The following SALL1 variants were observed in gnomAD, a reference collection of about 807,000 sequenced individuals.
SALL1 encodes the protein spalt like transcription factor 1.
SALL1 carries 10 observed loss-of-function variants against 73.1 expected under a neutral mutation model. The ratio of observed to expected loss-of-function variants is 0.14; its 90% CI spans 0.08 to 0.23. The LOEUF (loss-of-function observed/expected upper bound fraction) is 0.23, where lower values mean the gene tolerates loss of function less well. SALL1 is among the 10% of genes least tolerant of loss of function. The pLI is 1.00. For missense variants in SALL1, 1,520 were observed against 1,697.3 expected, an observed-to-expected ratio of 0.90 and a Z score of 1.84; for synonymous variants, 688 against 689.8, an observed-to-expected ratio of 1.00 and a Z score of 0.04.
intron 1 of SALL1, among the ~76,000 whole-genome samples, chr16:51,147,496 G>A (rs1278851415): frequency 6.6e-6 from 1 of 151,574 alleles, no homozygotes; most frequent in Non-Finnish European, 1.5e-5. Flanking sequence ...TAACCTTTTG[G>A]GCCCAGAGAT....
At position 51,139,287 on chromosome 16, in the gene SALL1, T is replaced by C. The variant is rs1336496651; in HGVS notation, c.2935A>G (p.Lys979Glu). ...CCCAAAGAATCTTCTTTGATGATTT[T>C]CTCTGCGTGACTAGATGTCAAATCC... The part of the protein sequence containing the change: ...ALDLTSSHAE[K>E]IIKEDSLGIL... Residue 979 changes from lysine to glutamate, a missense_variant, in exon 2 of 3, where the codon AAA becomes GAA. Physicochemically the swap from Lys to Glu is moderately conservative, Grantham distance 56 (BLOSUM62 1). Transcript: ENST00000251020. The C allele has an allele frequency of 6.2e-7, 1 of 1,614,162 alleles. No individual in the cohort carries two copies. The highest frequency in any genetic ancestry group is 1.7e-5 in the Admixed American group (1 of 60,032).
rs941761664 is a variant in SALL1, at chr16:51,136,251, T to C, written c.*861A>G. 4 of 152,794 alleles carry C rather than the reference T, an allele frequency of 2.6e-5. No homozygotes were observed. Among genetic ancestry groups the C allele is most frequent in the Non-Finnish European group, 5.9e-5 (4 of 68,034 alleles). 9.5% of individuals were successfully genotyped at this position (152,794 alleles called of 1,614,324 possible). ...AATGAAAGTGATATTTCTTATTGTA[T>C]ATACAAGAGCATCTACATTTTCTCC... On this transcript the variant is annotated 3_prime_UTR_variant, in exon 3 of 3. Transcript: ENST00000251020.
chr16:51,138,580 C>G, intron 2 of SALL1, 108 bp downstream of exon 2: 1 of 1,401,022 alleles, frequency 7.1e-7, no homozygotes, highest in Non-Finnish European at 9.6e-7. Context: ...TGCAAGAGCT[C>G]TCTCCCTGAA....
Position 51,137,037 on chromosome 16 carries a change from G to C in SALL1, c.*75C>G. On this transcript the variant is annotated 3_prime_UTR_variant, in exon 3 of 3. Coordinates refer to ENST00000251020, the MANE Select transcript of SALL1 (RefSeq NM_002968.3). ...AGAAGGAAGGGGCGGGGCGGGGTGGGGGGCAAGGAGTAGGAGGCCACCATA... is the reference window on the plus strand; with the variant it reads ...AGAAGGAAGGGGCGGGGCGGGGTGGCGGGCAAGGAGTAGGAGGCCACCATA... 19 of 1,377,740 alleles carry C rather than the reference G, an allele frequency of 1.4e-5. No homozygotes were observed. The highest frequency in any genetic ancestry group is 1.9e-5 in the Non-Finnish European group (19 of 981,372). The allele number at this position is 1,377,740 out of a possible 1,614,324, so 85.3% of individuals were successfully genotyped here.
rs770976293 is a variant in SALL1, at chr16:51,140,194, A to C, written c.2028T>G (p.Phe676Leu). The C allele has an allele frequency of 6.2e-7, 1 of 1,614,174 alleles. No homozygotes were observed. Among genetic ancestry groups the C allele is most frequent in the South Asian group, 1.1e-5 (1 of 91,082 alleles). ...MSEQFKAKFP[F>L]GGLLDSAQAS... ...CCTGAGCTGAGTCCAGGAGTCCCCC[A>C]AAAGGAAACTTGGCCTTGAACTGCT... Residue 676 changes from phenylalanine (F) to leucine (L), a missense_variant, in exon 2 of 3, where the codon TTT (phenylalanine) becomes TTG (leucine). Physicochemically the swap from Phe to Leu is conservative, Grantham distance 22. This residue lies in a region of SALL1 where 276 missense variants were observed against 259.1 expected (regional missense o/e 1.07). Transcript: ENST00000251020. This position sits in a 1 kb window ranked among gnomAD's most constrained non-coding sequence, Gnocchi z 5.7.
upstream of SALL1, among the ~76,000 whole-genome samples, chr16:51,151,570 C>T (rs1284528956): frequency 2.0e-5 from 3 of 151,738 alleles, no homozygotes; most frequent in African/African-American, 7.2e-5. Context: ...ATAAGCCGGC[C>T]GCGGGGCTGG....
rs766637530 is a variant in SALL1 at position 51,141,036 on chromosome 16, C to T, written c.1186G>A (p.Ala396Thr). The T allele has an allele frequency of 1.2e-6, 2 of 1,614,048 alleles. No individual in the cohort carries two copies. Among genetic ancestry groups the T allele is most frequent in the East Asian group, 2.2e-5 (1 of 44,888 alleles). ...CTGGGGAAAACCGAGTTAGCGGAGG[C>T]TTGCTGAGGTAGAAGTGGATTAGAC... ...PASNPLLPQQ[A>T]SANSVFPSPL... Residue 396 changes from alanine (A) to threonine (T), a missense_variant, in exon 2 of 3, where the codon GCC becomes ACC. Coordinates refer to ENST00000251020, the MANE Select transcript of SALL1 (RefSeq NM_002968.3). The surrounding 1 kb of genome is among the most constrained non-coding windows in gnomAD (Gnocchi z 5.4).
intron 1 of SALL1, among the ~76,000 whole-genome samples, chr16:51,145,914 T>G (rs2143463444): frequency 6.6e-6 from 1 of 152,192 alleles, no homozygotes; most frequent in Non-Finnish European, 1.5e-5. Flanking sequence ...ATGATAGTGG[T>G]TTAGGAGTCC....
At chr16:51,144,864 A>G (rs1032887259) in intron 1 of SALL1, among the ~76,000 whole-genome samples, 1 of 152,158 alleles carries the variant, frequency 6.6e-6, no homozygotes, top group African/African-American at 2.4e-5. Context: ...ACTGTGTTAA[A>G]AAGTTGTCCA....
chr16:51,138,564 T>G, intron 2 of SALL1, 124 bp downstream of exon 2: 3 of 1,265,218 alleles, frequency 2.4e-6, no homozygotes, highest in Non-Finnish European at 3.2e-6. Context: ...GTGCAGCAGG[T>G]TCCCTTGCAA....
In SALL1 at chr16:51,137,228, T is replaced by G; in HGVS notation, c.3859A>C (p.Asn1287His). ...GCCAGGGGAGCATTGGGCTCTGAGT[T>G]CTGGAGCCTCTCCAGGTTTCCCGTC... ...GLTGNLERLQ[N>H]SEPNAPLAGL... The change falls in exon 3 of 3, where the codon AAC becomes CAC. Residue 1287 changes from asparagine (N) to histidine (H), a missense_variant. Coordinates refer to ENST00000251020, the MANE Select transcript of SALL1 (RefSeq NM_002968.3). The G allele has an allele frequency of 6.2e-7, 1 of 1,614,076 alleles. No individual in the cohort carries two copies. The highest frequency in any genetic ancestry group is 8.5e-7 in the Non-Finnish European group (1 of 1,179,966).
At chr16:51,148,471 A>G (rs1328468744) in intron 1 of SALL1, among the ~76,000 whole-genome samples, 1 of 152,270 alleles carries the variant, frequency 6.6e-6, no homozygotes, top group East Asian at 1.9e-4. Flanking sequence ...AAGAAAAAGT[A>G]ATCAGAATGT....
intron 1 of SALL1, 23 bp from the exon 2 acceptor site, chr16:51,142,168 G>C (rs1471704370): frequency 4.4e-6 from 7 of 1,584,838 alleles, no homozygotes; most frequent in Non-Finnish European, 6.1e-6. Context: ...AAAAGGTGCA[G>C]GATTAGAAAA....
chr16:51,139,604 A>T lies in SALL1; in HGVS notation c.2618T>A (p.Ile873Asn). 6.2e-7 allele frequency: 1 copy of T among 1,613,664 alleles called. No homozygotes were observed. The highest frequency in any genetic ancestry group is 8.5e-7 in the Non-Finnish European group (1 of 1,179,606). The change falls in exon 2 of 3, where the codon ATC (isoleucine) becomes AAC (asparagine). Residue 873 changes from isoleucine to asparagine, a missense_variant. Around this residue, in one of 7 missense-constraint regions of SALL1, gnomAD observed 266 missense variants for 275.1 expected, o/e 0.97. Transcript: ENST00000251020. ...IAALENQMKMINAGLAEQLQA... is the reference protein window; with the variant it reads ...IAALENQMKMNNAGLAEQLQA... ...TAGCTGCTCTGCCAGGCCAGCATTG[A>T]TCATCTTCATCTGATTTTCCAAAGC... is the stretch of plus-strand genomic sequence containing the variant.
chr16:51,137,181 G>A lies in SALL1; in HGVS notation c.3906C>T (p.Ser1302=), dbSNP rs1962316995. 2 of 1,614,014 alleles carry A rather than the reference G, an allele frequency of 1.2e-6. No individual in the cohort carries two copies. Among genetic ancestry groups the A allele is most frequent in the African/African-American group, 1.3e-5 (1 of 74,910 alleles). ...APLAGLEKMA[S]SENGTNFRFT... ...AGCGGAAGTTGGTTCCGTTCTCACT[G>A]CTTGCCATTTTCTCCAGGCCGGCCA... is the stretch of plus-strand genomic sequence containing the variant. The change falls in exon 3 of 3, where the codon AGC becomes AGT. Residue 1302 remains serine, a synonymous_variant. Transcript: ENST00000251020.
Position 51,138,966 on chromosome 16 carries a change from T to C in SALL1, c.3256A>G (p.Lys1086Glu), listed in dbSNP as rs1318953610. The C allele has an allele frequency of 2.5e-6, 4 of 1,614,134 alleles. No homozygotes were observed. Among genetic ancestry groups the C allele is most frequent in the Non-Finnish European group, 3.4e-6 (4 of 1,180,026 alleles). Residue 1086 changes from lysine (K) to glutamate (E), a missense_variant, in exon 2 of 3, where the codon AAG becomes GAG. Lys to Glu is a moderately conservative substitution (Grantham distance 56). Transcript: ENST00000251020. ...TGCACGAAGCCGTTGACCTCTGTCT[T>C]GATGAGAGATGACAACGAGTTGGCG... ...IPANSLSSLIKTEVNGFVHVS... is the reference protein window; with the variant it reads ...IPANSLSSLIETEVNGFVHVS...
At chr16:51,143,095 A>G (rs1030166371) in intron 1 of SALL1, 1 of 160,024 alleles carries the variant, frequency 6.2e-6, no homozygotes, top group Admixed American at 6.4e-5. Flanking sequence ...CTAAGAAATA[A>G]TTCTTGGTTT....
In SALL1 at chr16:51,140,285, G is replaced by C. The variant is rs551930236; in HGVS notation, c.1937C>G (p.Ala646Gly). ...TASSSVLSSP[A>G]ADCGPAGSAT... is the part of the protein sequence containing the mutation. ...ACTGCCCGCGGGGCCGCAGTCTGCC[G>C]CTGGGGAGCTCAGGACGCTACTGCT... Residue 646 changes from alanine to glycine, a missense_variant, in exon 2 of 3, where the codon GCG (alanine) becomes GGG (glycine). Ala to Gly is a moderately conservative substitution (Grantham distance 60). Transcript: ENST00000251020. The surrounding 1 kb of genome is among the most constrained non-coding windows in gnomAD (Gnocchi z 5.7). 6.2e-7 allele frequency: 1 copy of C among 1,614,112 alleles called. No homozygotes were observed. The highest frequency in any genetic ancestry group is 1.1e-5 in the South Asian group (1 of 91,086).
At chr16:51,144,543 C>T (rs1190300623) in intron 1 of SALL1, among the ~76,000 whole-genome samples, 16 of 152,174 alleles carry the variant, frequency 1.1e-4, no homozygotes, top group African/African-American at 3.9e-4. Flanking sequence ...ATCAATTGTA[C>T]ACATTACAAT....
Sources: allele counts gnomAD v4.1 joint callset (sites outside exome capture counted in the v4.1 genomes callset), GRCh38; gene constraint gnomAD v4.1.1; regional missense constraint gnomAD v4.1.1; non-coding constraint Gnocchi (gnomAD v3.1); transcripts MANE v1.5; gene names NCBI Gene and HGNC (gene_info 2026-07-23, HGNC 2026-07-21).